The following PDK1 variants were observed in gnomAD, a reference collection of about 807,000 sequenced individuals.
PDK1 encodes the protein pyruvate dehydrogenase kinase 1, also known as [Pyruvate dehydrogenase (acetyl-transferring)] kinase isozyme 1, mitochondrial.
In PDK1, 39 loss-of-function variants were observed where a neutral mutation model predicts 54.2. That is an observed-to-expected ratio of 0.72 (90% CI 0.56 to 0.94). The LOEUF (loss-of-function observed/expected upper bound fraction) is 0.94, where lower values mean the gene tolerates loss of function less well. Among genes scored for constraint, PDK1 ranks in the 40% least tolerant of loss-of-function variants. The pLI, the probability that PDK1 is intolerant of heterozygous loss-of-function variation, is 0.00. For synonymous variants in PDK1, 221 were observed against 207.1 expected (o/e 1.07, Z -0.58); for missense variants, 552 against 566.0 (o/e 0.98, Z 0.25).
At position 172,603,785 on chromosome 2, in the gene PDK1, G is replaced by C. The variant is rs555971419; in HGVS notation, c.*7816G>C. On this transcript the variant is annotated 3_prime_UTR_variant, in exon 11 of 11. Transcript: ENST00000282077. ...AGACCTCTTATGCCTGTGAATGGAAGGCCCTGATAAAACTTCATTATTAAT... is the reference window on the plus strand; with the variant it reads ...AGACCTCTTATGCCTGTGAATGGAACGCCCTGATAAAACTTCATTATTAAT... The C allele has an allele frequency of 6.6e-6, 1 of 152,288 alleles. No homozygotes were observed. Among genetic ancestry groups the C allele is most frequent in the African/African-American group, 2.4e-5 (1 of 41,554 alleles). 9.4% of individuals were successfully genotyped at this position (152,288 alleles called of 1,614,324 possible).
At position 172,556,189 on chromosome 2, in the gene PDK1, C is replaced by G; in HGVS notation, c.39C>G (p.Ala13=). 7.0e-7 allele frequency: 1 copy of G among 1,418,784 alleles called. No individual in the cohort carries two copies. The highest frequency in any genetic ancestry group is 9.1e-7 in the Non-Finnish European group (1 of 1,093,404). The allele number at this position is 1,418,784 out of a possible 1,614,324, so 87.9% of individuals were successfully genotyped here. A position where few individuals can be genotyped will look rare whatever the true frequency, so the allele number is the denominator to read the frequency against. ...GGCTGCTTCGCGGAGCCGCCTTGGC[C>G]GGCCCGGGCCCGGGGCTGCGCGCCG... ...LARLLRGAAL[A]GPGPGLRAAG... is the part of the protein sequence containing the mutation. The change falls in exon 1 of 11, where the codon GCC becomes GCG. Residue 13 remains alanine, a synonymous_variant. Coordinates refer to ENST00000282077, the MANE Select transcript of PDK1 (RefSeq NM_002610.5).
intron 8 of PDK1, among the ~76,000 whole-genome samples, chr2:172,578,580 A>T (rs933497118): frequency 6.6e-6 from 1 of 151,542 alleles, no homozygotes; most frequent in African/African-American, 2.4e-5. Flanking sequence ...TAGTTTATTG[A>T]CTGATTTTTC....
At chr2:172,595,793 G>T (rs1470486845) in intron 10 of PDK1, 36 bp from the exon 11 acceptor site, 1 of 1,572,576 alleles carries the variant, frequency 6.4e-7, no homozygotes, top group African/African-American at 1.4e-5. Context: ...TCTAAAAAAT[G>T]CCAGACTTAA....
the PDK1 span, among the ~76,000 whole-genome samples, chr2:172,625,372 C>CTTTG: frequency 0.02 from 2,972 of 152,226 alleles, 84 homozygotes; most frequent in African/African-American, 0.066. Context: ...GTATTTCAGC[C>CTTTG]TTTGGTTTCC....
chr2:172,694,068 C>T, the PDK1 span, among the ~76,000 whole-genome samples: 8 of 152,174 alleles, frequency 5.3e-5, no homozygotes, highest in South Asian at 4.1e-4. Context: ...CTCCGTGTGG[C>T]GACCATAGCA....
chr2:172,593,375 G>A (rs760539807), intron 10 of PDK1, among the ~76,000 whole-genome samples: 1 of 152,102 alleles, frequency 6.6e-6, no homozygotes, highest in Non-Finnish European at 1.5e-5. Flanking sequence ...TTGATGTACT[G>A]CCAAGGCTTT....
At position 172,604,088 on chromosome 2, in the gene PDK1, C is replaced by A. The variant is rs13032304; in HGVS notation, c.*8119C>A. 1 of 151,996 alleles carries A rather than the reference C, an allele frequency of 6.6e-6. No individual in the cohort carries two copies. Among genetic ancestry groups the A allele is most frequent in the African/African-American group, 2.4e-5 (1 of 41,454 alleles). 9.4% of individuals were successfully genotyped at this position (151,996 alleles called of 1,614,324 possible). On this transcript the variant is annotated 3_prime_UTR_variant, in exon 11 of 11. Coordinates refer to ENST00000282077, the MANE Select transcript of PDK1 (RefSeq NM_002610.5). The stretch of plus-strand genomic sequence containing the variant: ...TGAACATGGCGTATATCTTTTTTGG[C>A]GGGGGGTGAGGACAGAGTCTTGCTC...
intron 9 of PDK1, 110 bp downstream of exon 9, chr2:172,586,498 A>G (rs1341523840): frequency 8.5e-6 from 5 of 590,336 alleles, no homozygotes; most frequent in East Asian, 3.1e-5. Context: ...CAAGGAAGAA[A>G]GAAGCTCTTA....
At chr2:172,556,056 C>G, upstream of PDK1, 1 of 977,648 alleles carries the variant, frequency 1.0e-6, no homozygotes, top group Non-Finnish European at 1.4e-6. Flanking sequence ...CAGCCGATCC[C>G]CGCCCCTGCT....
chr2:172,721,381 G>A, the PDK1 span, among the ~76,000 whole-genome samples: 2 of 152,074 alleles, frequency 1.3e-5, no homozygotes, highest in East Asian at 1.9e-4. Flanking sequence ...CATTCTGTTG[G>A]CCAGGCTGGA....
the PDK1 span, among the ~76,000 whole-genome samples, chr2:172,689,651 G>A: frequency 1.3e-5 from 2 of 152,082 alleles, no homozygotes; most frequent in African/African-American, 4.8e-5. Context: ...CCAAAACAGA[G>A]ATATAGACCA....
chr2:172,633,511 T>G, the PDK1 span, among the ~76,000 whole-genome samples: 1 of 151,590 alleles, frequency 6.6e-6, no homozygotes. Context: ...TTCTGATAAT[T>G]TATAGTGCTA....
the PDK1 span, among the ~76,000 whole-genome samples, chr2:172,631,695 T>C: frequency 6.6e-6 from 1 of 152,104 alleles, no homozygotes; most frequent in Non-Finnish European, 1.5e-5. Context: ...GTAACATACA[T>C]GGGGACAAAG....
At position 172,595,823 on chromosome 2, in the gene PDK1, T is replaced by G. The variant is rs1390670261; in HGVS notation, c.1171-6T>G. 4 of 1,613,252 alleles carry G rather than the reference T, an allele frequency of 2.5e-6. No individual in the cohort carries two copies. The South Asian group carries it at 3.3e-5, about 13-fold the overall frequency. On this transcript the variant is annotated splice_region_variant and splice_polypyrimidine_tract_variant and intron_variant, in intron 10 of 10. Coordinates refer to ENST00000282077, the MANE Select transcript of PDK1 (RefSeq NM_002610.5). Reference sequence around the variant, plus strand: ...ACTTAATAGGTCTTAGGTTTTTCTTTTTCAGGCTCTGTCAACAGACTCAAT... The same window carrying G: ...ACTTAATAGGTCTTAGGTTTTTCTTGTTCAGGCTCTGTCAACAGACTCAAT...
the PDK1 span, among the ~76,000 whole-genome samples, chr2:172,680,020 T>C: frequency 6.6e-6 from 1 of 152,166 alleles, no homozygotes; most frequent in Admixed American, 6.5e-5. Context: ...TTGAAACCAT[T>C]TTCCCCTCAA....
At chr2:172,588,837 C>A (rs767884149) in intron 9 of PDK1, among the ~76,000 whole-genome samples, 32 of 152,198 alleles carry the variant, frequency 2.1e-4, no homozygotes, top group Non-Finnish European at 4.4e-4. Flanking sequence ...AGAGGAACAT[C>A]CACACATCTC....
chr2:172,714,180 G>T, the PDK1 span, among the ~76,000 whole-genome samples: 1 of 152,176 alleles, frequency 6.6e-6, no homozygotes, highest in African/African-American at 2.4e-5. Context: ...GTTAACATCT[G>T]AAATTTTTCT....
At chr2:172,645,756 T>G in the PDK1 span, among the ~76,000 whole-genome samples, 1 of 152,226 alleles carries the variant, frequency 6.6e-6, no homozygotes, top group African/African-American at 2.4e-5. Context: ...TGCAACCTTC[T>G]CCATCTCTGT....
At chr2:172,677,279 G>A in the PDK1 span, 1 of 152,174 alleles carries the variant, frequency 6.6e-6, no homozygotes, top group Non-Finnish European at 1.5e-5. Context: ...TTCCTCAGAT[G>A]GGACCGGAAA....
Sources: gnomAD v4.1 joint callset for allele counts (sites outside exome capture counted in the v4.1 genomes callset) on GRCh38, gnomAD v4.1.1 for gene constraint, MANE v1.5 for transcripts, NCBI Gene and HGNC (gene_info 2026-07-23, HGNC 2026-07-21) for gene names.